Variants in ZFYVE9 observed in about 807,000 individuals in gnomAD.
ZFYVE9 encodes zinc finger FYVE domain-containing protein 9.
In ZFYVE9, 43 loss-of-function variants were observed where a neutral mutation model predicts 126.7. That is an observed-to-expected ratio of 0.34 (90% CI 0.27 to 0.44). The LOEUF (loss-of-function observed/expected upper bound fraction) is 0.44. ZFYVE9 is among the 20% of genes least tolerant of loss of function. The pLI is 1.00. For missense variants in ZFYVE9, 1,476 were observed against 1,697.0 expected (o/e 0.87, Z 2.29); for synonymous variants, 521 against 597.4 (o/e 0.87, Z 1.87).
intron 11 of ZFYVE9, among the ~76,000 whole-genome samples, chr1:52,295,382 C>G (rs1458502113): frequency 6.6e-6 from 1 of 150,924 alleles, no homozygotes; most frequent in Non-Finnish European, 1.5e-5. Flanking sequence ...GTTTTGGAGA[C>G]AGGGTCTCAT....
chr1:52,194,251 A>G (rs1046559107), intron 1 of ZFYVE9, among the ~76,000 whole-genome samples: 3 of 152,266 alleles, frequency 2.0e-5, no homozygotes, highest in Non-Finnish European at 2.9e-5. Context: ...AAAATAGCAT[A>G]GAAAACATAG....
chr1:52,209,029 G>A (rs532019747), intron 1 of ZFYVE9, among the ~76,000 whole-genome samples: 3 of 152,114 alleles, frequency 2.0e-5, no homozygotes, highest in Admixed American at 6.5e-5. Context: ...ATTATCCATG[G>A]TATCATACAC....
chr1:52,184,531 C>T (rs927385949), intron 1 of ZFYVE9, among the ~76,000 whole-genome samples: 16 of 146,846 alleles, frequency 1.1e-4, no homozygotes, highest in Admixed American at 4.8e-4. Flanking sequence ...CAGGTGTGAG[C>T]CACCGCATCT....
chr1:52,343,317 G>C (rs764898938), intron 17 of ZFYVE9, among the ~76,000 whole-genome samples: 1 of 151,728 alleles, frequency 6.6e-6, no homozygotes, highest in Non-Finnish European at 1.5e-5. Context: ...TTGGTGGCAG[G>C]CTCCTGTAAT....
intron 4 of ZFYVE9, among the ~76,000 whole-genome samples, chr1:52,263,078 CAAAA>C (rs759753454): frequency 8.5e-5 from 6 of 70,344 alleles, no homozygotes; most frequent in Non-Finnish European, 1.9e-4. Flanking sequence ...AATTGTGTCT[CAAAA>C]AAAAAAAAAA....
intron 2 of ZFYVE9, among the ~76,000 whole-genome samples, chr1:52,224,372 G>T (rs762697356): frequency 2.0e-5 from 3 of 152,114 alleles, no homozygotes; most frequent in Non-Finnish European, 2.9e-5. Flanking sequence ...AGGGGAAGGT[G>T]GTCTAGAGGA....
intron 4 of ZFYVE9, chr1:52,252,776 C>A: frequency 4.7e-6 from 2 of 427,544 alleles, no homozygotes; most frequent in South Asian, 1.8e-5. Context: ...CTGGCCATGG[C>A]TGGGCTCCCC....
chr1:52,338,008 T>C (rs756801932), intron 16 of ZFYVE9, 74 bp downstream of exon 16: 39 of 1,499,764 alleles, frequency 2.6e-5, no homozygotes, highest in Non-Finnish European at 3.4e-5. Context: ...GCTGTCTACA[T>C]TGGTGTTTTA....
chr1:52,225,288 A>C (rs1204900597), intron 2 of ZFYVE9, among the ~76,000 whole-genome samples: 1 of 152,168 alleles, frequency 6.6e-6, no homozygotes, highest in African/African-American at 2.4e-5. Flanking sequence ...CACCACAACG[A>C]GGCAGTGGGA....
intron 11 of ZFYVE9, among the ~76,000 whole-genome samples, chr1:52,294,265 C>CT (rs773064219): frequency 3.8e-4 from 58 of 152,344 alleles, no homozygotes; most frequent in Non-Finnish European, 8.2e-4. Context: ...AACTCTGCCA[C>CT]TTATGAGCTC....
chr1:52,174,779 G>A lies in ZFYVE9; in HGVS notation c.-143+32376G>A, dbSNP rs1644608490. On this transcript the variant is annotated intron_variant, in intron 1 of 18. Coordinates refer to ENST00000287727, the MANE Select transcript of ZFYVE9 (RefSeq NM_004799.4). ...TGTAATGGCCTTCTTTGTCTCTTTT[G>A]ATCTTTGTTGGTTTAAAGTCTGTTT... is the stretch of plus-strand genomic sequence containing the variant. Among the ~76,000 whole-genome samples, 9 of 152,058 alleles carry A rather than the reference G, an allele frequency of 5.9e-5. No individual in the cohort carries two copies. In the South Asian group the frequency reaches 1.9e-3, roughly 32 times the overall value.
chr1:52,322,815 C>A (rs1234512925), intron 13 of ZFYVE9, among the ~76,000 whole-genome samples: 3 of 149,722 alleles, frequency 2.0e-5, no homozygotes, highest in African/African-American at 7.4e-5. Flanking sequence ...CTCTTTTTTT[C>A]TTTTTTGGAG....
At chr1:52,160,217 C>G in intron 1 of ZFYVE9, 4 of 747,092 alleles carry the variant, frequency 5.4e-6, no homozygotes, top group Non-Finnish European at 7.3e-6. Context: ...TTAAGCTGCT[C>G]CCATCGCATC....
In ZFYVE9 at chr1:52,171,000, G is replaced by GT. The variant is rs753279975; in HGVS notation, c.-143+28609dup. Among the ~76,000 whole-genome samples, 332 of 144,506 alleles carry GT rather than the reference G, an allele frequency of 2.3e-3. 4 individuals are homozygous for GT. The highest frequency in any genetic ancestry group is 0.022 in the South Asian group (103 of 4,592). The allele number at this position is 144,506 out of a possible 152,430, so 94.8% of individuals were successfully genotyped here. A position where few individuals can be genotyped will look rare whatever the true frequency, so the allele number is the denominator to read the frequency against. ...TCTATAGTGCAGATTAAGTCCGATG[G>GT]TTTTTTTTTTTTAATTATACTTTAA... On this transcript the variant is annotated intron_variant, in intron 1 of 18. Coordinates refer to ENST00000287727, the MANE Select transcript of ZFYVE9 (RefSeq NM_004799.4).
chr1:52,274,986 A>G (rs1645731287), intron 8 of ZFYVE9, among the ~76,000 whole-genome samples: 1 of 152,206 alleles, frequency 6.6e-6, no homozygotes, highest in South Asian at 2.1e-4. Flanking sequence ...AAGAGCACTG[A>G]ATTTAAATGG....
chr1:52,162,360 TGCCACCACCTCC>T, intron 1 of ZFYVE9: 1 of 374,252 alleles, frequency 2.7e-6, no homozygotes, highest in Non-Finnish European at 5.4e-6. Context: ...CTGCCGCCTT[TGCCACCACCTCC>T]GCCACCACCA....
At chr1:52,163,625 CT>C (rs1488153328) in intron 1 of ZFYVE9, among the ~76,000 whole-genome samples, 1 of 152,118 alleles carries the variant, frequency 6.6e-6, no homozygotes, top group East Asian at 1.9e-4. Flanking sequence ...AGCTGTCATA[CT>C]TTTCTTTATA....
chr1:52,257,969 C>T (rs1569604978), intron 4 of ZFYVE9, among the ~76,000 whole-genome samples: 1 of 152,132 alleles, frequency 6.6e-6, no homozygotes, highest in African/African-American at 2.4e-5. Context: ...TCAGGTGATC[C>T]ACCTGCCTTG....
intron 13 of ZFYVE9, among the ~76,000 whole-genome samples, chr1:52,315,595 C>T (rs181039732): frequency 1.3e-4 from 19 of 151,694 alleles, no homozygotes; most frequent in South Asian, 2.1e-4. Context: ...GTTAAAGATA[C>T]GTAATATAAA....
Sources: gnomAD v4.1 joint callset for allele counts (sites outside exome capture counted in the v4.1 genomes callset) on GRCh38, gnomAD v4.1.1 for gene constraint, MANE v1.5 for transcripts, NCBI Gene and HGNC (gene_info 2026-07-23, HGNC 2026-07-21) for gene names.